Variants in AKAP19 observed in about 807,000 individuals in gnomAD.
The protein encoded by AKAP19 is A-kinase anchoring protein 19.
the AKAP19 span, among the ~76,000 whole-genome samples, chr2:190,010,968 A>AT: frequency 6.7e-6 from 1 of 148,278 alleles, no homozygotes; most frequent in African/African-American, 2.5e-5. Flanking sequence ...CTATATATAT[A>AT]TTTTTGATAT....
At chr2:190,089,078 T>C in the AKAP19 span, among the ~76,000 whole-genome samples, 4 of 152,178 alleles carry the variant, frequency 2.6e-5, no homozygotes, top group African/African-American at 9.7e-5. Flanking sequence ...CCAATGCTCT[T>C]TCATGTTGTA....
the AKAP19 span, among the ~76,000 whole-genome samples, chr2:189,995,967 G>C: frequency 1.3e-5 from 2 of 152,160 alleles, no homozygotes; most frequent in East Asian, 3.8e-4. Flanking sequence ...GAAATCTGCT[G>C]TTAATCTGAT....
At chr2:190,163,939 C>A in the AKAP19 span, 1 of 152,114 alleles carries the variant, frequency 6.6e-6, no homozygotes, top group African/African-American at 2.4e-5. Context: ...TTTTCAGCCT[C>A]CATTTAGAAA....
chr2:190,104,518 C>T, the AKAP19 span, among the ~76,000 whole-genome samples: 2 of 152,092 alleles, frequency 1.3e-5, no homozygotes, highest in African/African-American at 4.8e-5. Context: ...TGGCCAGGCA[C>T]AGTGTGTCAC....
chr2:190,198,623 C>T, the AKAP19 span, among the ~76,000 whole-genome samples: 113 of 107,346 alleles, frequency 1.1e-3, no homozygotes, highest in African/African-American at 4.2e-3. Context: ...CAGAGTAAGA[C>T]CCTGTCTCAA....
the AKAP19 span, among the ~76,000 whole-genome samples, chr2:190,083,340 T>C: frequency 6.6e-6 from 1 of 151,670 alleles, no homozygotes. Flanking sequence ...CGTGCTACTC[T>C]CCAAGCTGGG....
At chr2:189,956,871 C>T in the AKAP19 span, among the ~76,000 whole-genome samples, 1 of 152,238 alleles carries the variant, frequency 6.6e-6, no homozygotes, top group African/African-American at 2.4e-5. Flanking sequence ...GTGTGAGCTA[C>T]CTCACCTGGC....
chr2:189,943,579 C>T, the AKAP19 span, among the ~76,000 whole-genome samples: 2 of 152,224 alleles, frequency 1.3e-5, no homozygotes, highest in Non-Finnish European at 2.9e-5. Context: ...CCCAGTGATG[C>T]TGTGAGAAGG....
chr2:190,173,713 C>A, the AKAP19 span, among the ~76,000 whole-genome samples: 1 of 152,190 alleles, frequency 6.6e-6, no homozygotes, highest in Non-Finnish European at 1.5e-5. Context: ...TTAATTAAAT[C>A]CAGAACTCCC....
At chr2:190,114,672 G>A in the AKAP19 span, among the ~76,000 whole-genome samples, 1 of 152,108 alleles carries the variant, frequency 6.6e-6, no homozygotes, top group Admixed American at 6.6e-5. Context: ...TAGCCAGGAT[G>A]GTCTCGATCT....
chr2:189,910,417 T>C, the AKAP19 span, among the ~76,000 whole-genome samples: 2 of 152,036 alleles, frequency 1.3e-5, no homozygotes, highest in East Asian at 3.8e-4. Context: ...ATAGCAGTAT[T>C]GTTGCTCTTA....
chr2:190,014,725 T>C, the AKAP19 span, among the ~76,000 whole-genome samples: 1 of 152,058 alleles, frequency 6.6e-6, no homozygotes, highest in Admixed American at 6.6e-5. Flanking sequence ...CAACTTCCAC[T>C]TTTCGAGCTC....
the AKAP19 span, among the ~76,000 whole-genome samples, chr2:189,994,301 C>T: frequency 1.1e-4 from 17 of 152,014 alleles, no homozygotes; most frequent in South Asian, 1.2e-3. Context: ...TGTGAGCTGC[C>T]GCGCCCAGCC....
the AKAP19 span, among the ~76,000 whole-genome samples, chr2:190,000,123 A>T: frequency 6.6e-6 from 1 of 152,214 alleles, no homozygotes; most frequent in Non-Finnish European, 1.5e-5. Context: ...CAGGATATCA[A>T]TGACTGTGCC....
chr2:190,195,936 TC>T, the AKAP19 span, among the ~76,000 whole-genome samples: 1 of 127,270 alleles, frequency 7.9e-6, no homozygotes, highest in Non-Finnish European at 1.6e-5. Flanking sequence ...AAGAACTGTG[TC>T]CAGCTTTTTT....
chr2:190,158,501 T>C, the AKAP19 span, among the ~76,000 whole-genome samples: 10 of 152,362 alleles, frequency 6.6e-5, no homozygotes, highest in South Asian at 2.1e-4. Context: ...TATATATAGA[T>C]TCTATGTAAA....
the AKAP19 span, among the ~76,000 whole-genome samples, chr2:190,064,632 G>GT: frequency 6.6e-6 from 1 of 152,162 alleles, no homozygotes. Flanking sequence ...CATATAGTAA[G>GT]TAATTGATAA....
At chr2:190,173,455 C>G in the AKAP19 span, among the ~76,000 whole-genome samples, 1 of 152,232 alleles carries the variant, frequency 6.6e-6, no homozygotes, top group African/African-American at 2.4e-5. Flanking sequence ...AGGGCATACA[C>G]TGTAAGACGT....
chr2:189,893,894 T>C, the AKAP19 span, among the ~76,000 whole-genome samples: 1 of 152,206 alleles, frequency 6.6e-6, no homozygotes, highest in Non-Finnish European at 1.5e-5. Context: ...ACTATGTGGA[T>C]TGGTCCTGGA....
Sources: allele counts gnomAD v4.1 joint callset (sites outside exome capture counted in the v4.1 genomes callset), GRCh38; gene constraint gnomAD v4.1.1; transcripts MANE v1.5; gene names NCBI Gene and HGNC (gene_info 2026-07-23, HGNC 2026-07-21).